The following ADAM10 variants were observed in gnomAD, a reference collection of about 807,000 sequenced individuals.
ADAM10 encodes the protein disintegrin and metalloproteinase domain-containing protein 10.
ADAM10 carries 17 observed loss-of-function variants against 90.1 expected under a neutral mutation model. That is an observed-to-expected ratio of 0.19 (90% CI 0.13 to 0.28). The LOEUF is 0.28. Ranked by LOEUF, ADAM10 falls within the 10% of genes least tolerant of loss-of-function variation. The probability of loss-of-function intolerance (pLI) is 1.00; values close to 1 mark genes in which losing one functional copy is unlikely to be tolerated. For missense variants in ADAM10, 610 were observed against 914.3 expected (o/e 0.67, Z 4.29); for synonymous variants, 310 against 298.6 (o/e 1.04, Z -0.40).
intron 15 of ADAM10, among the ~76,000 whole-genome samples, chr15:58,599,190 G>C (rs1262602373): frequency 1.4e-5 from 2 of 140,638 alleles, no homozygotes; most frequent in African/African-American, 5.1e-5. Flanking sequence ...GGGAGGGAGG[G>C]AAGATGGAAG....
intron 1 of ADAM10, among the ~76,000 whole-genome samples, chr15:58,733,631 C>T (rs1230176940): frequency 1.3e-5 from 2 of 152,108 alleles, no homozygotes; most frequent in Admixed American, 1.3e-4. Flanking sequence ...AACCAATCCC[C>T]ATAGATACTG....
chr15:58,603,429 T>C (rs1188985826), intron 14 of ADAM10, among the ~76,000 whole-genome samples: 1 of 152,184 alleles, frequency 6.6e-6, no homozygotes, highest in East Asian at 1.9e-4. Context: ...GGGGAAGTGG[T>C]AACACCTCTA....
intron 5 of ADAM10, among the ~76,000 whole-genome samples, chr15:58,652,995 G>A (rs1412726546): frequency 1.3e-5 from 2 of 152,062 alleles, no homozygotes; most frequent in Admixed American, 6.6e-5. Context: ...AAATGGGATT[G>A]CTTCTCTTTT....
chr15:58,637,573 T>A (rs1230803768), intron 8 of ADAM10, among the ~76,000 whole-genome samples: 2 of 152,200 alleles, frequency 1.3e-5, no homozygotes, highest in Admixed American at 1.3e-4. Context: ...TATGATTTTA[T>A]AACTCTTCTC....
intron 2 of ADAM10, among the ~76,000 whole-genome samples, chr15:58,702,697 T>C (rs375825059): frequency 2.6e-5 from 4 of 152,356 alleles, no homozygotes; most frequent in African/African-American, 9.6e-5. Flanking sequence ...TAAAATCAGT[T>C]CTCAAGTATA....
At chr15:58,655,021 C>A (rs1896773892) in intron 5 of ADAM10, among the ~76,000 whole-genome samples, 1 of 152,190 alleles carries the variant, frequency 6.6e-6, no homozygotes, top group African/African-American at 2.4e-5. Context: ...TTGTTCTATA[C>A]TGCAGATTAA....
chr15:58,647,280 A>G (rs1389310106), intron 5 of ADAM10, among the ~76,000 whole-genome samples: 1 of 6,612 alleles, frequency 1.5e-4, no homozygotes, highest in African/African-American at 3.2e-4. Flanking sequence ...TTTTTTTTTG[A>G]GACAGAGTCT....
intron 4 of ADAM10, among the ~76,000 whole-genome samples, chr15:58,678,060 G>A (rs1456354648): frequency 6.6e-6 from 1 of 152,146 alleles, no homozygotes; most frequent in Non-Finnish European, 1.5e-5. Flanking sequence ...GAAAAGAAAG[G>A]TAGAGTTTGA....
At chr15:58,715,029 T>C (rs1195018875) in intron 2 of ADAM10, among the ~76,000 whole-genome samples, 1 of 152,128 alleles carries the variant, frequency 6.6e-6, no homozygotes, top group Non-Finnish European at 1.5e-5. Context: ...AGAGTGAATA[T>C]ATAAAAATTG....
rs1193906772 is a variant in ADAM10, at chr15:58,596,712, G to A, written c.*835C>T. ...AATTGAATTAGAAAGTTTAAAAGAC[G>A]TAAGCAGAAACCAGACATCTACATC... is the stretch of plus-strand genomic sequence containing the variant. On this transcript the variant is annotated 3_prime_UTR_variant, in exon 16 of 16. Coordinates refer to ENST00000260408, the MANE Select transcript of ADAM10 (RefSeq NM_001110.4). 2.6e-5 allele frequency: 4 copies of A among 152,154 alleles called. No individual in the cohort carries two copies. The highest frequency in any genetic ancestry group is 7.2e-5 in the African/African-American group (3 of 41,432). The allele number at this position is 152,154 out of a possible 1,614,324, so 9.4% of individuals were successfully genotyped here. A position where few individuals can be genotyped will look rare whatever the true frequency, so the allele number is the denominator to read the frequency against.
rs1894925032 is a variant in ADAM10 at position 58,595,407 on chromosome 15, CTATT to C, written c.*2136_*2139del. 1 of 152,104 alleles carries C rather than the reference CTATT, an allele frequency of 6.6e-6. No homozygotes were observed. Among genetic ancestry groups the C allele is most frequent in the African/African-American group, 2.4e-5 (1 of 41,434 alleles). 9.4% of individuals were successfully genotyped at this position (152,104 alleles called of 1,614,324 possible). A position where few individuals can be genotyped will look rare whatever the true frequency, so the allele number is the denominator to read the frequency against. Reference sequence around the variant, plus strand: ...AGAACCTTCAAGTTGATTTAATCGTCTATTTATTAATGCATTTCAAGTTTCAAAA... The same window carrying C: ...AGAACCTTCAAGTTGATTTAATCGTCTATTAATGCATTTCAAGTTTCAAAA... On this transcript the variant is annotated 3_prime_UTR_variant, in exon 16 of 16. Coordinates refer to ENST00000260408, the MANE Select transcript of ADAM10 (RefSeq NM_001110.4).
At chr15:58,730,471 G>A (rs140737279) in intron 1 of ADAM10, among the ~76,000 whole-genome samples, 1 of 151,488 alleles carries the variant, frequency 6.6e-6, no homozygotes, top group African/African-American at 2.4e-5. Context: ...TCTTTGGTAA[G>A]TCACTTAAAC....
intron 8 of ADAM10, among the ~76,000 whole-genome samples, chr15:58,636,462 C>T (rs570710966): frequency 6.6e-6 from 1 of 152,242 alleles, no homozygotes; most frequent in South Asian, 2.1e-4. Context: ...TATATACCCA[C>T]AGCTAAACCA....
intron 1 of ADAM10, among the ~76,000 whole-genome samples, chr15:58,720,110 AATCT>A (rs1898792740): frequency 1.3e-5 from 2 of 152,202 alleles, no homozygotes; most frequent in African/African-American, 4.8e-5. Flanking sequence ...AACTTTTTTA[AATCT>A]CAGGAGGTGG....
chr15:58,626,808 A>C (rs1895960525), intron 10 of ADAM10, among the ~76,000 whole-genome samples: 3 of 152,172 alleles, frequency 2.0e-5, no homozygotes, highest in Admixed American at 2.0e-4. Context: ...GCTGAGGGGA[A>C]GACAGAGCAT....
At chr15:58,640,179 G>C (rs1896377842) in intron 8 of ADAM10, among the ~76,000 whole-genome samples, 1 of 152,232 alleles carries the variant, frequency 6.6e-6, no homozygotes, top group East Asian at 1.9e-4. Flanking sequence ...GGCTAAGGCA[G>C]AGACTCGGCA....
chr15:58,689,772 T>C, intron 2 of ADAM10, among the ~76,000 whole-genome samples: 1 of 151,948 alleles, frequency 6.6e-6, no homozygotes, highest in East Asian at 1.9e-4. Context: ...AAAATCTGAA[T>C]AAGCCCCTAT....
At chr15:58,657,039 T>G (rs1421462134) in intron 5 of ADAM10, among the ~76,000 whole-genome samples, 1 of 152,238 alleles carries the variant, frequency 6.6e-6, no homozygotes, top group African/African-American at 2.4e-5. Context: ...CTGTAAAATT[T>G]CTATTGAAAA....
intron 1 of ADAM10, among the ~76,000 whole-genome samples, chr15:58,726,023 G>A (rs1158591654): frequency 6.6e-6 from 1 of 152,002 alleles, no homozygotes; most frequent in African/African-American, 2.4e-5. Flanking sequence ...AAATAAAAAG[G>A]ATTTATTTTC....
Sources: allele counts gnomAD v4.1 joint callset (sites outside exome capture counted in the v4.1 genomes callset), GRCh38; gene constraint gnomAD v4.1.1; transcripts MANE v1.5; gene names NCBI Gene and HGNC (gene_info 2026-07-23, HGNC 2026-07-21).